PACSIN1: variants seen among roughly 807,000 people sequenced by gnomAD.
PACSIN1 encodes the protein protein kinase C and casein kinase substrate in neurons protein 1.
A neutral mutation model predicts 59.5 loss-of-function variants in PACSIN1; 15 were observed. The ratio of observed to expected loss-of-function variants is 0.25; its 90% CI spans 0.17 to 0.39. PACSIN1 has a LOEUF of 0.39. Ranked by LOEUF, PACSIN1 falls within the 10% of genes least tolerant of loss-of-function variation. The pLI is 1.00. For missense variants in PACSIN1, 420 were observed against 580.2 expected (o/e 0.72, Z 2.84); for synonymous variants, 210 against 220.6 (o/e 0.95, Z 0.42).
chr6:34,485,317 G>A (rs1287198691), intron 1 of PACSIN1, among the ~76,000 whole-genome samples: 1 of 152,304 alleles, frequency 6.6e-6, no homozygotes, highest in Non-Finnish European at 1.5e-5. Flanking sequence ...CCGTCTGGCA[G>A]ATAGACAGTA....
At chr6:34,513,465 A>G (rs562266901) in intron 1 of PACSIN1, among the ~76,000 whole-genome samples, 425 of 152,122 alleles carry the variant, frequency 2.8e-3, no homozygotes, top group Admixed American at 4.3e-3. Context: ...TGGGAATAGC[A>G]TGTCCTGTGG....
chr6:34,466,206 C>G lies in PACSIN1; in HGVS notation c.-128C>G, dbSNP rs999333262. Reference sequence around the variant, plus strand: ...CCGGGAAGTCGGCCGGGCTTGAGGCCGGGCCCCAGACGTCCCGCTTCGCCC... The same window carrying G: ...CCGGGAAGTCGGCCGGGCTTGAGGCGGGGCCCCAGACGTCCCGCTTCGCCC... On this transcript the variant is annotated 5_prime_UTR_variant, in exon 1 of 10. Coordinates refer to ENST00000244458, the MANE Select transcript of PACSIN1 (RefSeq NM_020804.5). The G allele has an allele frequency of 1.3e-5, 2 of 152,206 alleles. No homozygotes were observed. Among genetic ancestry groups the G allele is most frequent in the African/African-American group, 4.8e-5 (2 of 41,434 alleles). 9.4% of individuals were successfully genotyped at this position (152,206 alleles called of 1,614,324 possible).
chr6:34,474,980 A>G (rs1477360836), intron 1 of PACSIN1, among the ~76,000 whole-genome samples: 11 of 151,816 alleles, frequency 7.2e-5, no homozygotes, highest in Non-Finnish European at 1.3e-4. Flanking sequence ...CTCTTCCCCA[A>G]AGGCCTACAT....
chr6:34,531,488 T>C lies in PACSIN1; in HGVS notation c.1038-112T>C. 1 of 1,117,366 alleles carries C rather than the reference T, an allele frequency of 8.9e-7. No individual in the cohort carries two copies. Among genetic ancestry groups the C allele is most frequent in the East Asian group, 2.4e-5 (1 of 41,458 alleles). 69.2% of individuals were successfully genotyped at this position (1,117,366 alleles called of 1,614,324 possible). A position where few individuals can be genotyped will look rare whatever the true frequency, so the allele number is the denominator to read the frequency against. On this transcript the variant is annotated intron_variant, in intron 8 of 9. Coordinates refer to ENST00000244458, the MANE Select transcript of PACSIN1 (RefSeq NM_020804.5). This position sits in a 1 kb window ranked among gnomAD's most constrained non-coding sequence, Gnocchi z 4.4. ...GTCACCCCTCCTATGTGGCCAATCC[T>C]TGCTCTAGCCTTGGTAGAATTCGGG...
intron 1 of PACSIN1, among the ~76,000 whole-genome samples, chr6:34,512,796 C>T (rs1442093388): frequency 3.9e-5 from 6 of 152,216 alleles, no homozygotes; most frequent in Non-Finnish European, 8.8e-5. Flanking sequence ...TGGCTGGTGC[C>T]GTGTTTCCCA....
intron 1 of PACSIN1, among the ~76,000 whole-genome samples, chr6:34,497,512 TC>T (rs1188471176): frequency 2.6e-5 from 4 of 152,142 alleles, no homozygotes; most frequent in African/African-American, 9.7e-5. Flanking sequence ...CCAACGAGGC[TC>T]CTCGCAGGCT....
Position 34,499,460 on chromosome 6 carries a change from CATAAAT to C in PACSIN1, c.-63-26778_-63-26773del. On this transcript the variant is annotated intron_variant, in intron 1 of 9. Transcript: ENST00000244458. ...AATTAACTCAAAAATGAATCAAAGACATAAATATAAGAACTAAATTTTTTAAATTCT... is the reference window on the plus strand; with the variant it reads ...AATTAACTCAAAAATGAATCAAAGACATAAGAACTAAATTTTTTAAATTCT... Among the ~76,000 whole-genome samples the C allele has an allele frequency of 2.6e-5, 4 of 151,524 alleles. 1 individual carries two copies. The Admixed American group carries it at 2.6e-4, about 10-fold the overall frequency.
chr6:34,495,844 C>T (rs764184257), intron 1 of PACSIN1, among the ~76,000 whole-genome samples: 1 of 152,228 alleles, frequency 6.6e-6, no homozygotes, highest in Non-Finnish European at 1.5e-5. Flanking sequence ...CCATCTCCCC[C>T]GTTTCTAAAG....
At chr6:34,489,632 G>A (rs754709401) in intron 1 of PACSIN1, among the ~76,000 whole-genome samples, 3 of 152,118 alleles carry the variant, frequency 2.0e-5, no homozygotes, top group Non-Finnish European at 2.9e-5. Flanking sequence ...ATACACTCAG[G>A]GACCAGTGAG....
intron 1 of PACSIN1, among the ~76,000 whole-genome samples, chr6:34,512,747 A>G (rs1767225096): frequency 6.6e-6 from 1 of 152,234 alleles, no homozygotes; most frequent in African/African-American, 2.4e-5. Context: ...TGATCTAAGG[A>G]TAGAAGCGAA....
intron 1 of PACSIN1, among the ~76,000 whole-genome samples, chr6:34,474,087 T>TC (rs1338405175): frequency 1.3e-5 from 2 of 152,328 alleles, no homozygotes; most frequent in African/African-American, 2.4e-5. Flanking sequence ...CTTTTCTTAT[T>TC]CTTTTGCAGT....
intron 1 of PACSIN1, among the ~76,000 whole-genome samples, chr6:34,489,129 C>T (rs962359000): frequency 2.0e-5 from 3 of 149,864 alleles, no homozygotes; most frequent in Admixed American, 6.7e-5. Flanking sequence ...TGTAGTGAGC[C>T]GAGTTGGTGC....
At chr6:34,493,750 TC>T (rs1353022976) in intron 1 of PACSIN1, among the ~76,000 whole-genome samples, 2 of 125,026 alleles carry the variant, frequency 1.6e-5, no homozygotes, top group Non-Finnish European at 3.9e-5. Flanking sequence ...CAAAACCAAA[TC>T]CTGGCAGACA....
At chr6:34,482,875 C>T (rs1195102284) in intron 1 of PACSIN1, among the ~76,000 whole-genome samples, 2 of 151,144 alleles carry the variant, frequency 1.3e-5, no homozygotes, top group Admixed American at 6.6e-5. Flanking sequence ...TTAGTAGAGA[C>T]GGGGTTTCAC....
intron 1 of PACSIN1, among the ~76,000 whole-genome samples, chr6:34,481,437 C>T (rs1581959510): frequency 6.6e-6 from 1 of 152,140 alleles, no homozygotes; most frequent in African/African-American, 2.4e-5. Flanking sequence ...AATCCCAGCA[C>T]TTAGGGAGGC....
Position 34,530,647 on chromosome 6 carries a change from A to C in PACSIN1, c.1037+60A>C, listed in dbSNP as rs924629255. ...AGGGACCCACACTCTGGGGCAGCTG[A>C]GTTTTGCTTCAGAAGACAAGAAATG... On this transcript the variant is annotated intron_variant, in intron 8 of 9. Transcript: ENST00000244458. This position sits in a 1 kb window ranked among gnomAD's most constrained non-coding sequence, Gnocchi z 4.4. 6.8e-7 allele frequency: 1 copy of C among 1,466,786 alleles called. No homozygotes were observed. The highest frequency in any genetic ancestry group is 9.0e-7 in the Non-Finnish European group (1 of 1,105,376). The allele number at this position is 1,466,786 out of a possible 1,614,324, so 90.9% of individuals were successfully genotyped here.
rs1561973211 is a variant in PACSIN1, at chr6:34,532,645, AT to A, written c.*122del. The stretch of plus-strand genomic sequence containing the variant: ...AGACATATTTTCCGATCAAGCTTTT[AT>A]TTTTTTAAAAGTCAAAACAGAACAA... On this transcript the variant is annotated 3_prime_UTR_variant, in exon 10 of 10. Transcript: ENST00000244458. The surrounding 1 kb of genome is among the most constrained non-coding windows in gnomAD (Gnocchi z 5.2). The A allele has an allele frequency of 9.0e-6, 6 of 665,866 alleles. No homozygotes were observed. Among genetic ancestry groups the A allele is most frequent in the Non-Finnish European group, 1.6e-5 (6 of 384,700 alleles). 41.2% of individuals were successfully genotyped at this position (665,866 alleles called of 1,614,324 possible).
chr6:34,497,299 T>C (rs1766962319), intron 1 of PACSIN1, among the ~76,000 whole-genome samples: 1 of 152,126 alleles, frequency 6.6e-6, no homozygotes, highest in Admixed American at 6.5e-5. Flanking sequence ...AATGATGGAA[T>C]ATATAACTGA....
intron 1 of PACSIN1, among the ~76,000 whole-genome samples, chr6:34,490,556 G>C (rs908987340): frequency 1.3e-5 from 2 of 152,056 alleles, no homozygotes; most frequent in Non-Finnish European, 2.9e-5. Flanking sequence ...ACCGAGCGCC[G>C]CCACCTGGCC....
Sources: gnomAD v4.1 joint callset for allele counts (sites outside exome capture counted in the v4.1 genomes callset) on GRCh38, gnomAD v4.1.1 for gene constraint, Gnocchi (gnomAD v3.1) non-coding constraint, MANE v1.5 for transcripts, NCBI Gene and HGNC (gene_info 2026-07-23, HGNC 2026-07-21) for gene names.